Variants in EPB41 observed in about 807,000 individuals in gnomAD.
The protein encoded by EPB41 is protein 4.1.
EPB41 carries 65 observed loss-of-function variants against 108.0 expected under a neutral mutation model. The observed-to-expected ratio is 0.60, with a 90% CI of 0.49 to 0.74. The LOEUF is 0.74. Among genes scored for constraint, EPB41 ranks in the 30% least tolerant of loss-of-function variants. The pLI, the probability that EPB41 is intolerant of heterozygous loss-of-function variation, is 0.00. For synonymous variants in EPB41, 336 were observed against 358.9 expected, an observed-to-expected ratio of 0.94 and a Z score of 0.72; for missense variants, 875 against 1,037.0, an observed-to-expected ratio of 0.84 and a Z score of 2.15.
chr1:29,095,265 A>G (rs1185026068), intron 16 of EPB41, among the ~76,000 whole-genome samples: 1 of 152,210 alleles, frequency 6.6e-6, no homozygotes, highest in African/African-American at 2.4e-5. Context: ...TCATCTGTGA[A>G]GAAATACATC....
chr1:29,114,680 C>G (rs957436218), intron 19 of EPB41, among the ~76,000 whole-genome samples: 4 of 147,944 alleles, frequency 2.7e-5, no homozygotes, highest in Non-Finnish European at 6.0e-5. Context: ...TCACTACCTA[C>G]TAGCTATGAA....
intron 16 of EPB41, among the ~76,000 whole-genome samples, chr1:29,089,963 C>G (rs927022552): frequency 6.6e-6 from 1 of 152,046 alleles, no homozygotes; most frequent in East Asian, 1.9e-4. Flanking sequence ...CTGGATGAGG[C>G]GTTCTAAGAG....
chr1:28,984,692 C>G (rs920701720), intron 1 of EPB41, among the ~76,000 whole-genome samples: 1 of 147,060 alleles, frequency 6.8e-6, no homozygotes, highest in Non-Finnish European at 1.5e-5. Context: ...AGGTGTTGCT[C>G]TGTCACCTAG....
intron 4 of EPB41, among the ~76,000 whole-genome samples, chr1:29,003,174 C>G (rs2096333542): frequency 6.6e-6 from 1 of 152,282 alleles, no homozygotes; most frequent in African/African-American, 2.4e-5. Flanking sequence ...TCTAGAAGTA[C>G]ACAGATATTT....
Position 28,943,510 on chromosome 1 carries a change from C to T in EPB41, c.-8+28742C>T, listed in dbSNP as rs146640909. On this transcript the variant is annotated intron_variant, in intron 1 of 20. Coordinates refer to ENST00000343067, the MANE Select transcript of EPB41 (RefSeq NM_001376013.1). ...TCTACTAAAAAATTAAAAAATTAGC[C>T]GGGTGTGGTGGCACGCACCTGTAGT... Among the ~76,000 whole-genome samples, 1,423 of 152,092 alleles carry T rather than the reference C, an allele frequency of 9.4e-3. 16 individuals carry two copies. The highest frequency in any genetic ancestry group is 0.02 in the Middle Eastern group (6 of 294).
intron 18 of EPB41, 130 bp from the exon 19 acceptor site, chr1:29,112,238 C>T (rs1669425383): frequency 1.4e-6 from 1 of 727,966 alleles, no homozygotes; most frequent in Non-Finnish European, 2.4e-6. Context: ...TGGCCGCAAG[C>T]ATTCCTCCTA....
intron 1 of EPB41, among the ~76,000 whole-genome samples, chr1:28,957,766 T>C (rs2149076049): frequency 6.6e-6 from 1 of 152,248 alleles, no homozygotes; most frequent in South Asian, 2.1e-4. Context: ...AATGGCCTAT[T>C]TTGCTGTGGG....
At chr1:28,971,478 C>T (rs1003746794) in intron 1 of EPB41, among the ~76,000 whole-genome samples, 1 of 152,168 alleles carries the variant, frequency 6.6e-6, no homozygotes, top group African/African-American at 2.4e-5. Context: ...AGCCACCGCG[C>T]CCGGTTGCAT....
At chr1:28,932,516 A>G (rs1487026748) in intron 1 of EPB41, among the ~76,000 whole-genome samples, 6 of 150,850 alleles carry the variant, frequency 4.0e-5, no homozygotes, top group Non-Finnish European at 8.9e-5. Flanking sequence ...AAAAAAAAAA[A>G]GCAGATATCT....
intron 16 of EPB41, among the ~76,000 whole-genome samples, chr1:29,066,999 C>G (rs1421886880): frequency 6.7e-6 from 1 of 149,694 alleles, no homozygotes; most frequent in African/African-American, 2.5e-5. Context: ...TTTAAATTTT[C>G]AGAATTTATG....
chr1:29,042,620 A>G (rs1045207463), intron 11 of EPB41, among the ~76,000 whole-genome samples: 1 of 152,176 alleles, frequency 6.6e-6, no homozygotes, highest in Non-Finnish European at 1.5e-5. Flanking sequence ...CTGGGATTAC[A>G]GGCATGTGCC....
intron 11 of EPB41, among the ~76,000 whole-genome samples, chr1:29,048,538 C>CT (rs1462244943): frequency 6.6e-6 from 1 of 151,962 alleles, no homozygotes; most frequent in East Asian, 1.9e-4. Context: ...TTTTATTGAG[C>CT]TTTTTTAAAA....
chr1:29,049,552 C>CATTGG (rs1558150418), intron 11 of EPB41, among the ~76,000 whole-genome samples: 2 of 152,130 alleles, frequency 1.3e-5, no homozygotes, highest in African/African-American at 4.8e-5. Flanking sequence ...GAAAAACAAA[C>CATTGG]ATTGTATCAG....
At chr1:29,114,440 C>T (rs746013512) in intron 19 of EPB41, among the ~76,000 whole-genome samples, 9 of 152,032 alleles carry the variant, frequency 5.9e-5, no homozygotes, top group Non-Finnish European at 1.2e-4. Context: ...GTCAGGAGTT[C>T]GAGACCAGCC....
intron 1 of EPB41, among the ~76,000 whole-genome samples, chr1:28,895,201 C>A (rs2090539065): frequency 6.6e-6 from 1 of 152,158 alleles, no homozygotes; most frequent in Non-Finnish European, 1.5e-5. Flanking sequence ...CTAGGGAGGG[C>A]CCTGAAGAAT....
At chr1:29,055,296 AC>A (rs1162767102) in intron 12 of EPB41, among the ~76,000 whole-genome samples, 1 of 152,176 alleles carries the variant, frequency 6.6e-6, no homozygotes. Flanking sequence ...TGTTATACTA[AC>A]TAAAAAGTGT....
intron 1 of EPB41, among the ~76,000 whole-genome samples, chr1:28,905,818 C>CTTTTTTTTTTTTTT (rs573552880): frequency 7.5e-6 from 1 of 133,862 alleles, no homozygotes. Context: ...TTCTTTCTTT[C>CTTTTTTTTTTTTTT]TTTTTTTTTT....
At chr1:28,993,620 C>T in intron 3 of EPB41, 78 bp downstream of exon 3, 2 of 1,323,648 alleles carry the variant, frequency 1.5e-6, no homozygotes, top group Non-Finnish European at 2.2e-6. Context: ...GTGATTTTGC[C>T]CACGATAAGA....
At chr1:28,923,835 T>A in intron 1 of EPB41, among the ~76,000 whole-genome samples, 1 of 152,188 alleles carries the variant, frequency 6.6e-6, no homozygotes, top group Non-Finnish European at 1.5e-5. Flanking sequence ...TTTATGTTTT[T>A]AAATTTTTAT....
Sources: gnomAD v4.1 joint callset for allele counts (sites outside exome capture counted in the v4.1 genomes callset) on GRCh38, gnomAD v4.1.1 for gene constraint, MANE v1.5 for transcripts, NCBI Gene and HGNC (gene_info 2026-07-23, HGNC 2026-07-21) for gene names.